Variants in SPAG16 observed in about 807,000 individuals in gnomAD.
SPAG16 encodes sperm associated antigen 16, also known as sperm-associated antigen 16 protein.
SPAG16 carries 86 observed loss-of-function variants against 80.4 expected under a neutral mutation model. The ratio of observed to expected loss-of-function variants is 1.07; its 90% confidence interval spans 0.90 to 1.28. SPAG16 has a LOEUF of 1.28. Ranked by LOEUF, SPAG16 falls within the 50% of genes most tolerant of loss-of-function variation. The pLI is 0.00. For synonymous variants in SPAG16, 294 were observed against 265.9 expected, an observed-to-expected ratio of 1.11 and a Z score of -1.03; for missense variants, 870 against 765.3, an observed-to-expected ratio of 1.14 and a Z score of -1.61.
chr2:214,232,051 T>A (rs933218713), intron 15 of SPAG16, among the ~76,000 whole-genome samples: 1 of 151,914 alleles, frequency 6.6e-6, no homozygotes, highest in Non-Finnish European at 1.5e-5. Flanking sequence ...TTAAGATGAA[T>A]AGAACAAACA....
intron 15 of SPAG16, among the ~76,000 whole-genome samples, chr2:214,178,805 A>C (rs753855258): frequency 5.9e-5 from 9 of 151,446 alleles, no homozygotes; most frequent in Non-Finnish European, 1.0e-4. Flanking sequence ...TATCAGAAAG[A>C]AACATATTTT....
At chr2:213,586,752 T>A (rs2060488522) in intron 10 of SPAG16, among the ~76,000 whole-genome samples, 1 of 152,184 alleles carries the variant, frequency 6.6e-6, no homozygotes, top group African/African-American at 2.4e-5. Context: ...CTGTTGTGTG[T>A]TTACAAATTA....
intron 6 of SPAG16, among the ~76,000 whole-genome samples, chr2:213,350,166 T>C (rs2065248114): frequency 6.6e-6 from 1 of 152,228 alleles, no homozygotes; most frequent in Admixed American, 6.5e-5. Context: ...TAATCATCTA[T>C]TGTTTGTGGC....
intron 15 of SPAG16, among the ~76,000 whole-genome samples, chr2:214,217,742 G>T (rs943253841): frequency 6.6e-6 from 1 of 152,334 alleles, no homozygotes; most frequent in African/African-American, 2.4e-5. Context: ...GATGGTGAGA[G>T]CAGCTTTATA....
intron 9 of SPAG16, among the ~76,000 whole-genome samples, chr2:213,385,817 C>CACACGT (rs1553643215): frequency 6.6e-6 from 1 of 151,402 alleles, no homozygotes; most frequent in East Asian, 1.9e-4. Context: ...CACACACACA[C>CACACGT]GTATGACTTC....
chr2:213,463,279 T>G lies in SPAG16; in HGVS notation c.943-26684T>G, dbSNP rs1238161701. On this transcript the variant is annotated intron_variant, in intron 9 of 15. Coordinates refer to ENST00000331683, the MANE Select transcript of SPAG16 (RefSeq NM_024532.5). ...GAAAGTTTGCAGCCTGGCAGTGTGA[T>G]AGAAAAGAAAAACCTATTTTCTGGG... Among the ~76,000 whole-genome samples the G allele has an allele frequency of 6.6e-5, 10 of 152,346 alleles. No individual in the cohort carries two copies. In the South Asian group the frequency reaches 1.5e-3, roughly 22 times the overall value.
intron 12 of SPAG16, among the ~76,000 whole-genome samples, chr2:214,007,605 A>C (rs1209303134): frequency 1.3e-5 from 2 of 152,136 alleles, no homozygotes; most frequent in East Asian, 1.9e-4. Context: ...AAAATGTTTT[A>C]TTCTCGTTAT....
intron 15 of SPAG16, among the ~76,000 whole-genome samples, chr2:214,194,869 A>G (rs1374490830): frequency 6.6e-6 from 1 of 152,112 alleles, no homozygotes; most frequent in African/African-American, 2.4e-5. Flanking sequence ...ATATGTAACC[A>G]TATCTTTTAG....
chr2:213,643,813 CT>C (rs1473038098), intron 10 of SPAG16, among the ~76,000 whole-genome samples: 1 of 55,040 alleles, frequency 1.8e-5, no homozygotes, highest in African/African-American at 7.2e-5. Context: ...CAGTTTCAGT[CT>C]TTGTTGTCAA....
chr2:214,090,135 A>G (rs72937941), intron 13 of SPAG16, among the ~76,000 whole-genome samples: 24,710 of 151,958 alleles, frequency 0.16, 2,203 homozygotes, highest in Admixed American at 0.2. Flanking sequence ...AGCTTTTGCA[A>G]AAGAGATATA....
chr2:213,869,982 T>A (rs1260430027), intron 11 of SPAG16, among the ~76,000 whole-genome samples: 3 of 152,204 alleles, frequency 2.0e-5, no homozygotes, highest in Non-Finnish European at 4.4e-5. Context: ...AACTACCATA[T>A]GTCAAGTATT....
chr2:214,015,048 G>A (rs2047515628), intron 13 of SPAG16, among the ~76,000 whole-genome samples: 1 of 152,154 alleles, frequency 6.6e-6, no homozygotes, highest in Non-Finnish European at 1.5e-5. Flanking sequence ...TATGAAAGGT[G>A]AATCATGCAC....
intron 14 of SPAG16, among the ~76,000 whole-genome samples, chr2:214,122,355 A>G (rs2054262541): frequency 6.6e-6 from 1 of 151,852 alleles, no homozygotes; most frequent in African/African-American, 2.4e-5. Context: ...GATCTAAGAT[A>G]GGTTAATTGC....
chr2:213,674,588 T>C (rs897080450), intron 10 of SPAG16, among the ~76,000 whole-genome samples: 1 of 148,954 alleles, frequency 6.7e-6, no homozygotes, highest in East Asian at 1.9e-4. Flanking sequence ...TCTGTGTCCA[T>C]GTGTTCTCAT....
chr2:213,983,450 G>C (rs936812357), intron 12 of SPAG16, among the ~76,000 whole-genome samples: 1 of 151,718 alleles, frequency 6.6e-6, no homozygotes, highest in African/African-American at 2.4e-5. Flanking sequence ...TGATGCCTTA[G>C]GTATTATTTT....
chr2:213,746,785 C>T (rs766578176), intron 10 of SPAG16, among the ~76,000 whole-genome samples: 10 of 151,914 alleles, frequency 6.6e-5, no homozygotes, highest in South Asian at 2.1e-4. Flanking sequence ...CCAGCCTGGG[C>T]GACAGAGCAA....
At chr2:214,126,999 G>A (rs545307789) in intron 14 of SPAG16, among the ~76,000 whole-genome samples, 2 of 151,926 alleles carry the variant, frequency 1.3e-5, no homozygotes, top group Admixed American at 1.3e-4. Flanking sequence ...ACTGAATTCA[G>A]TAGATAAAAA....
chr2:213,990,052 G>A (rs1232346393), intron 12 of SPAG16, among the ~76,000 whole-genome samples: 2 of 152,062 alleles, frequency 1.3e-5, no homozygotes, highest in African/African-American at 2.4e-5. Context: ...GACATGGGGT[G>A]ATCTTTATGT....
At chr2:213,799,422 T>C (rs2071243491) in intron 10 of SPAG16, among the ~76,000 whole-genome samples, 1 of 152,176 alleles carries the variant, frequency 6.6e-6, no homozygotes, top group Non-Finnish European at 1.5e-5. Flanking sequence ...TTGATTTTAA[T>C]CCTATGACAT....
Sources: allele counts gnomAD v4.1 joint callset (sites outside exome capture counted in the v4.1 genomes callset), GRCh38; gene constraint gnomAD v4.1.1; transcripts MANE v1.5; gene names NCBI Gene and HGNC (gene_info 2026-07-23, HGNC 2026-07-21).